GLIS1: variants seen among roughly 807,000 people sequenced by gnomAD.
GLIS1 encodes the protein GLIS family zinc finger 1.
Under a neutral mutation model 63.8 loss-of-function variants are expected in GLIS1, and 24 were observed. The ratio of observed to expected loss-of-function variants is 0.38; its 90% CI spans 0.27 to 0.53. GLIS1 has a LOEUF of 0.53. Ranked by LOEUF, GLIS1 falls within the 20% of genes least tolerant of loss-of-function variation. GLIS1 has a pLI of 0.85. For synonymous variants in GLIS1, 450 were observed against 482.5 expected, an observed-to-expected ratio of 0.93 and a Z score of 0.88; for missense variants, 1,036 against 1,074.1, an observed-to-expected ratio of 0.96 and a Z score of 0.50.
rs1490206538 is a variant in GLIS1 at position 53,551,904 on chromosome 1, T to C, written c.1321-21952A>G. On this transcript the variant is annotated intron_variant, in intron 4 of 10. Transcript: ENST00000628545. ...TCTGCCATATACTCCTTCTCCACAC[T>C]TCGACATACATGTACCTAACTGCAG... 2.0e-5 allele frequency among the ~76,000 whole-genome samples: 3 copies of C among 152,106 alleles called. No homozygotes were observed. The East Asian group carries it at 5.8e-4, about 29-fold the overall frequency.
At chr1:53,544,685 G>A (rs1391839450) in intron 4 of GLIS1, among the ~76,000 whole-genome samples, 3 of 152,122 alleles carry the variant, frequency 2.0e-5, no homozygotes, top group South Asian at 2.1e-4. Context: ...CTGTTACACT[G>A]ACCACTTGGG....
intron 4 of GLIS1, among the ~76,000 whole-genome samples, chr1:53,541,975 T>A (rs998631271): frequency 2.0e-5 from 3 of 152,158 alleles, no homozygotes; most frequent in Admixed American, 6.5e-5. Context: ...GGGTGATCAC[T>A]CACCAAAGCT....
Position 53,560,960 on chromosome 1 carries a change from T to G in GLIS1, c.1321-31008A>C, listed in dbSNP as rs1644886159. Among the ~76,000 whole-genome samples, 2 of 152,166 alleles carry G rather than the reference T, an allele frequency of 1.3e-5. No individual in the cohort carries two copies. Among genetic ancestry groups the G allele is most frequent in the Non-Finnish European group, 2.9e-5 (2 of 68,026 alleles). On this transcript the variant is annotated intron_variant, in intron 4 of 10. Transcript: ENST00000628545. The surrounding 1 kb of genome is among the most constrained non-coding windows in gnomAD (Gnocchi z 4.4). ...GAGAGGAGGCCGGGCCCACACTGGATGTCCGCTCCCTTCAGGATCTCCAAT... is the reference window on the plus strand; with the variant it reads ...GAGAGGAGGCCGGGCCCACACTGGAGGTCCGCTCCCTTCAGGATCTCCAAT...
intron 6 of GLIS1, among the ~76,000 whole-genome samples, chr1:53,521,951 C>G (rs941380880): frequency 3.9e-5 from 6 of 152,220 alleles, no homozygotes; most frequent in Non-Finnish European, 8.8e-5. Flanking sequence ...GGGTGAGAGC[C>G]CTGCCCCACA....
chr1:53,525,623 C>T (rs1175550370), intron 5 of GLIS1, among the ~76,000 whole-genome samples: 1 of 151,550 alleles, frequency 6.6e-6, no homozygotes, highest in African/African-American at 2.4e-5. Context: ...GCCCAGGCCC[C>T]ACCCTGCCCT....
intron 4 of GLIS1, among the ~76,000 whole-genome samples, chr1:53,581,635 G>A (rs1000325826): frequency 2.0e-5 from 3 of 152,182 alleles, no homozygotes; most frequent in African/African-American, 7.2e-5. Flanking sequence ...TGCTACTTTC[G>A]AGAGGCAGTC....
At chr1:53,632,497 G>T (rs550621356) in intron 2 of GLIS1, among the ~76,000 whole-genome samples, 1 of 147,276 alleles carries the variant, frequency 6.8e-6, no homozygotes, top group African/African-American at 2.5e-5. Context: ...ATGTGAATGA[G>T]TGTGACTGAG....
chr1:53,621,752 T>A (rs11206180), intron 2 of GLIS1, among the ~76,000 whole-genome samples: 10,973 of 152,276 alleles, frequency 0.072, 1,154 homozygotes, highest in African/African-American at 0.23. Flanking sequence ...TTCTTCTTAT[T>A]TCGTATTTGC....
At chr1:53,642,561 G>A (rs1645799112) in intron 2 of GLIS1, among the ~76,000 whole-genome samples, 1 of 152,186 alleles carries the variant, frequency 6.6e-6, no homozygotes, top group Non-Finnish European at 1.5e-5. Flanking sequence ...TGTCTATCCT[G>A]TAACACCCAA....
chr1:53,669,594 C>A (rs1646130270), intron 2 of GLIS1, among the ~76,000 whole-genome samples: 1 of 152,238 alleles, frequency 6.6e-6, no homozygotes, highest in Non-Finnish European at 1.5e-5. Context: ...AGGCTAGGGA[C>A]TGGAGGTCCT....
intron 2 of GLIS1, among the ~76,000 whole-genome samples, chr1:53,619,714 G>A (rs577261680): frequency 1.3e-5 from 2 of 152,374 alleles, no homozygotes; most frequent in South Asian, 4.1e-4. Context: ...CACAGGCCAG[G>A]AGAAGCCATT....
At chr1:53,527,220 C>A (rs1401614048) in intron 5 of GLIS1, among the ~76,000 whole-genome samples, 1 of 152,220 alleles carries the variant, frequency 6.6e-6, no homozygotes. Context: ...CTCGAATGGT[C>A]CAGTGAAGTG....
chr1:53,713,918 G>C (rs560695554), intron 2 of GLIS1, among the ~76,000 whole-genome samples: 1 of 152,360 alleles, frequency 6.6e-6, no homozygotes, highest in East Asian at 1.9e-4. Flanking sequence ...GGTATAGACA[G>C]ACTGCCACAG....
At chr1:53,535,133 G>A (rs576870933) in intron 4 of GLIS1, among the ~76,000 whole-genome samples, 1 of 152,238 alleles carries the variant, frequency 6.6e-6, no homozygotes, top group South Asian at 2.1e-4. Context: ...GTAGAAATGG[G>A]AGTTTTGGGG....
chr1:53,651,366 T>C (rs758869609), intron 2 of GLIS1, among the ~76,000 whole-genome samples: 47 of 152,224 alleles, frequency 3.1e-4, no homozygotes, highest in Non-Finnish European at 6.2e-4. Flanking sequence ...TAATAAGGGC[T>C]CCTACTGCCA....
At chr1:53,714,812 G>A (rs1222765321) in intron 2 of GLIS1, among the ~76,000 whole-genome samples, 1 of 152,240 alleles carries the variant, frequency 6.6e-6, no homozygotes, top group Non-Finnish European at 1.5e-5. Flanking sequence ...TGGAGTCAGG[G>A]CCCACTGTGC....
intron 2 of GLIS1, among the ~76,000 whole-genome samples, chr1:53,607,871 G>A (rs188458116): frequency 6.6e-6 from 1 of 152,116 alleles, no homozygotes; most frequent in African/African-American, 2.4e-5. Flanking sequence ...TTCCTGGCTT[G>A]GAGACAGCAG....
In GLIS1 at chr1:53,600,088, TG is replaced by T. The variant is rs1424884650; in HGVS notation, c.437+12del. 1 of 1,226,088 alleles carries T rather than the reference TG, an allele frequency of 8.2e-7. No homozygotes were observed. The highest frequency in any genetic ancestry group is 1.0e-6 in the Non-Finnish European group (1 of 982,526). 76.0% of individuals were successfully genotyped at this position (1,226,088 alleles called of 1,614,324 possible). On this transcript the variant is annotated intron_variant, in intron 3 of 10. Transcript: ENST00000628545. ...CCTGGGAGTGTCCACAGAAAGCAGC[TG>T]CCCACACCTACCTGTCAGGGTGGGG... is the stretch of plus-strand genomic sequence containing the variant.
intron 2 of GLIS1, among the ~76,000 whole-genome samples, chr1:53,724,205 C>G (rs2100557139): frequency 6.6e-6 from 1 of 152,296 alleles, no homozygotes; most frequent in East Asian, 1.9e-4. Context: ...AGGTAGAGGC[C>G]AAGGATGCTA....
Sources: gnomAD v4.1 joint callset for allele counts (sites outside exome capture counted in the v4.1 genomes callset) on GRCh38, gnomAD v4.1.1 for gene constraint, Gnocchi (gnomAD v3.1) non-coding constraint, MANE v1.5 for transcripts, NCBI Gene and HGNC (gene_info 2026-07-23, HGNC 2026-07-21) for gene names.